The following TACC2 variants were observed in gnomAD, a reference collection of about 807,000 sequenced individuals.
The protein encoded by TACC2 is transforming acidic coiled-coil containing protein 2, also known as transforming acidic coiled-coil-containing protein 2.
Under a neutral mutation model 227.3 loss-of-function variants are expected in TACC2, and 137 were observed. That is an observed-to-expected ratio of 0.60 (90% CI 0.52 to 0.69). The LOEUF is 0.69. TACC2 is among the 30% of genes least tolerant of loss of function. The probability of loss-of-function intolerance (pLI) is 0.00; values close to 1 mark genes in which losing one functional copy is unlikely to be tolerated. For missense variants in TACC2, 3,470 were observed against 3,694.4 expected, an observed-to-expected ratio of 0.94 and a Z score of 1.57; for synonymous variants, 1,523 against 1,487.5, an observed-to-expected ratio of 1.02 and a Z score of -0.55.
chr10:122,174,408 A>G (rs10788257), intron 7 of TACC2, among the ~76,000 whole-genome samples: 67,022 of 151,918 alleles, frequency 0.44, 15,537 homozygotes, highest in African/African-American at 0.58. Flanking sequence ...GTGCCCACTC[A>G]CTCCATGGGC....
intron 1 of TACC2, among the ~76,000 whole-genome samples, chr10:122,016,624 G>C (rs1956677338): frequency 6.6e-6 from 1 of 151,402 alleles, no homozygotes; most frequent in South Asian, 2.1e-4. Context: ...TCACCTCTGT[G>C]GTCTGAAGCT....
At chr10:122,213,416 G>A (rs2095338190) in intron 9 of TACC2, 4 of 1,606,854 alleles carry the variant, frequency 2.5e-6, no homozygotes, top group African/African-American at 2.7e-5. Context: ...TATGCCAAAT[G>A]TGCTTATTTT....
intron 3 of TACC2, among the ~76,000 whole-genome samples, chr10:122,074,905 C>T (rs554007912): frequency 6.6e-6 from 1 of 152,254 alleles, no homozygotes; most frequent in East Asian, 1.9e-4. Context: ...TCTCAGCCTT[C>T]CTTCTCCTGA....
chr10:122,011,022 T>G (rs1243731833), intron 1 of TACC2, among the ~76,000 whole-genome samples: 1 of 152,192 alleles, frequency 6.6e-6, no homozygotes, highest in Admixed American at 6.5e-5. Context: ...ATATGCTGAC[T>G]GTAGTCTCTG....
intron 5 of TACC2, among the ~76,000 whole-genome samples, chr10:122,106,794 C>A (rs2137824697): frequency 6.6e-6 from 1 of 152,360 alleles, no homozygotes; most frequent in East Asian, 1.9e-4. Context: ...ATAGGTTTAT[C>A]ATTGCACCAG....
chr10:121,992,578 G>A (rs1320125913), intron 1 of TACC2, among the ~76,000 whole-genome samples: 4 of 152,136 alleles, frequency 2.6e-5, no homozygotes, highest in African/African-American at 7.2e-5. Context: ...TGAAGAAGGT[G>A]GAGTGTGGGA....
At chr10:122,224,453 C>G (rs1293204808) in intron 11 of TACC2, among the ~76,000 whole-genome samples, 1 of 152,190 alleles carries the variant, frequency 6.6e-6, no homozygotes, top group Non-Finnish European at 1.5e-5. Flanking sequence ...TTGGGCTGTG[C>G]TTGGTCGTGC....
chr10:122,203,712 G>C (rs1176228387), intron 8 of TACC2, among the ~76,000 whole-genome samples: 1 of 150,912 alleles, frequency 6.6e-6, no homozygotes, highest in Non-Finnish European at 1.5e-5. Flanking sequence ...CATCCCAGTC[G>C]ATGGGCGGCC....
chr10:122,219,210 C>T (rs1565672033), intron 11 of TACC2, among the ~76,000 whole-genome samples: 1 of 151,732 alleles, frequency 6.6e-6, no homozygotes, highest in African/African-American at 2.4e-5. Flanking sequence ...CTGGAACACC[C>T]TTCCCCCCAC....
At chr10:122,129,273 G>A (rs1016301619) in intron 5 of TACC2, among the ~76,000 whole-genome samples, 46 of 151,770 alleles carry the variant, frequency 3.0e-4, no homozygotes, top group South Asian at 2.1e-4. Context: ...GGCCAGGCTC[G>A]TCTCGAACTC....
chr10:122,094,212 T>C (rs968875262), intron 5 of TACC2, among the ~76,000 whole-genome samples: 1 of 152,226 alleles, frequency 6.6e-6, no homozygotes, highest in Non-Finnish European at 1.5e-5. Context: ...ATGAAGCATC[T>C]GTGTTTCATA....
At chr10:122,099,184 C>T (rs763619060) in intron 5 of TACC2, among the ~76,000 whole-genome samples, 11 of 152,192 alleles carry the variant, frequency 7.2e-5, no homozygotes, top group African/African-American at 1.2e-4. Context: ...GCCTGCCAGA[C>T]GCCATAACAT....
intron 8 of TACC2, among the ~76,000 whole-genome samples, chr10:122,196,948 A>AC (rs1405066608): frequency 6.1e-5 from 9 of 146,390 alleles, no homozygotes; most frequent in Non-Finnish European, 1.4e-4. Context: ...AAAAAAAAAA[A>AC]AAACAAAAAA....
rs143995312 is a variant in TACC2 at position 122,117,097 on chromosome 10, G to T, written c.5574-15512G>T. Among the ~76,000 whole-genome samples, 13 of 151,872 alleles carry T rather than the reference G, an allele frequency of 8.6e-5. No homozygotes were observed. The East Asian group carries it at 2.3e-3, about 27-fold the overall frequency. ...AATTTTGCCACCAGCAGCAAAATCAGCATGCTCACAACATTAAATCAAGTC... is the reference window on the plus strand; with the variant it reads ...AATTTTGCCACCAGCAGCAAAATCATCATGCTCACAACATTAAATCAAGTC... On this transcript the variant is annotated intron_variant, in intron 5 of 22. Transcript: ENST00000369005.
intron 3 of TACC2, among the ~76,000 whole-genome samples, chr10:122,073,126 A>AAAAATATATAT (rs1383487943): frequency 1.7e-4 from 12 of 71,012 alleles, no homozygotes; most frequent in African/African-American, 6.2e-4. Context: ...AAAAAAAAAA[A>AAAAATATATAT]ATATATATAT....
At chr10:122,248,545 C>T (rs1390001467) in intron 19 of TACC2, 98 bp from the exon 20 acceptor site, 5 of 1,424,730 alleles carry the variant, frequency 3.5e-6, no homozygotes. Flanking sequence ...GATGCCCCCA[C>T]TGGTGAGGCT....
At chr10:122,120,513 T>C (rs2421003) in intron 5 of TACC2, among the ~76,000 whole-genome samples, 121,850 of 152,124 alleles carry the variant, frequency 0.8, 50,609 homozygotes, top group East Asian at 0.95. Flanking sequence ...AGCACCCACT[T>C]GGCTCTCAGC....
chr10:122,003,788 T>C (rs1954714764), intron 1 of TACC2, among the ~76,000 whole-genome samples: 1 of 151,998 alleles, frequency 6.6e-6, no homozygotes, highest in Non-Finnish European at 1.5e-5. Flanking sequence ...CCCAAATGGC[T>C]GGGACTACAG....
At chr10:122,200,398 C>T (rs529937993) in intron 8 of TACC2, among the ~76,000 whole-genome samples, 594 of 150,050 alleles carry the variant, frequency 4.0e-3, no homozygotes, top group Middle Eastern at 7.0e-3. Flanking sequence ...AGTGAGAGGA[C>T]GGGCACCTCA....
Sources: allele counts gnomAD v4.1 joint callset (sites outside exome capture counted in the v4.1 genomes callset), GRCh38; gene constraint gnomAD v4.1.1; transcripts MANE v1.5; gene names NCBI Gene and HGNC (gene_info 2026-07-23, HGNC 2026-07-21).